USP31: variants seen among roughly 807,000 people sequenced by gnomAD.
USP31 encodes ubiquitin carboxyl-terminal hydrolase 31.
Under a neutral mutation model 119.4 loss-of-function variants are expected in USP31, and 44 were observed. The ratio of observed to expected loss-of-function variants is 0.37; its 90% confidence interval spans 0.29 to 0.47. The LOEUF is 0.47. Ranked by LOEUF, USP31 falls within the 20% of genes least tolerant of loss-of-function variation. The pLI is 0.99. For missense variants in USP31, 1,643 were observed against 1,730.2 expected (o/e 0.95, Z 0.89); for synonymous variants, 749 against 705.6 (o/e 1.06, Z -0.97).
intron 7 of USP31, among the ~76,000 whole-genome samples, chr16:23,090,071 A>G (rs1211956812): frequency 6.6e-6 from 1 of 152,170 alleles, no homozygotes; most frequent in Admixed American, 6.5e-5. Context: ...GAAAATACAC[A>G]TATGAAATGG....
At chr16:23,125,406 G>C (rs567081055) in intron 1 of USP31, among the ~76,000 whole-genome samples, 2 of 152,156 alleles carry the variant, frequency 1.3e-5, no homozygotes, top group African/African-American at 4.8e-5. Context: ...CCGGGAAGGG[G>C]TGGGGGCAGC....
intron 1 of USP31, among the ~76,000 whole-genome samples, chr16:23,125,801 G>C (rs1458307447): frequency 6.6e-6 from 1 of 152,176 alleles, no homozygotes; most frequent in African/African-American, 2.4e-5. Context: ...GAGCAACTCT[G>C]GTCAGGGAAT....
At chr16:23,105,611 A>G (rs1226769061) in intron 4 of USP31, 35 bp from the exon 5 acceptor site, 1 of 1,493,884 alleles carries the variant, frequency 6.7e-7, no homozygotes, top group Non-Finnish European at 8.9e-7. Flanking sequence ...CTCATTAGTC[A>G]CTTATTTCAA....
chr16:23,095,503 C>A (rs1294090640), intron 6 of USP31, among the ~76,000 whole-genome samples: 1 of 152,132 alleles, frequency 6.6e-6, no homozygotes, highest in South Asian at 2.1e-4. Flanking sequence ...GAGAACACCA[C>A]AAAGATACTC....
At position 23,106,140 on chromosome 16, in the gene USP31, C is replaced by T. The variant is rs1596715125; in HGVS notation, c.953+73G>A. ...TACCTGTCTAAATAAGTAAGAAGAC[C>T]TAATAGGAGCCTACAGAGGCAAAGG... is the stretch of plus-strand genomic sequence containing the variant. On this transcript the variant is annotated intron_variant, in intron 4 of 15. Coordinates refer to ENST00000219689, the MANE Select transcript of USP31 (RefSeq NM_020718.4). 6.0e-6 allele frequency: 9 copies of T among 1,511,578 alleles called. No individual in the cohort carries two copies. The East Asian group carries it at 1.6e-4, about 27-fold the overall frequency. 93.6% of individuals were successfully genotyped at this position (1,511,578 alleles called of 1,614,324 possible).
Position 23,062,191 on chromosome 16 carries a change from T to G in USP31, c.*5855A>C, listed in dbSNP as rs1411708856. On this transcript the variant is annotated 3_prime_UTR_variant, in exon 16 of 16. Coordinates refer to ENST00000219689, the MANE Select transcript of USP31 (RefSeq NM_020718.4). The stretch of plus-strand genomic sequence containing the variant: ...GTAGGCAGCATGAGGCTCGACAGAA[T>G]GAAACCATCAGATTACTTCGAAGGT... 6.6e-6 allele frequency: 1 copy of G among 152,552 alleles called. No individual in the cohort carries two copies. The highest frequency in any genetic ancestry group is 1.5e-5 in the Non-Finnish European group (1 of 68,048). 9.4% of individuals were successfully genotyped at this position (152,552 alleles called of 1,614,324 possible).
chr16:23,142,401 C>T (rs577445279), intron 1 of USP31, among the ~76,000 whole-genome samples: 7 of 152,190 alleles, frequency 4.6e-5, no homozygotes, highest in Admixed American at 1.3e-4. Context: ...CTTATTTTCA[C>T]TCCAATTCAG....
At position 23,087,805 on chromosome 16, in the gene USP31, C is replaced by G; in HGVS notation, c.1446G>C (p.Glu482Asp). The change falls in exon 8 of 16, where the codon GAG becomes GAC. Residue 482 changes from glutamate to aspartate, a missense_variant. Coordinates refer to ENST00000219689, the MANE Select transcript of USP31 (RefSeq NM_020718.4). ...GCAGAAGGTCCCAAGCTATTGTCTT[C>G]TCTAAGTGCAGCACAAAAGGCAGTC... ...RFGLPFVLHLEKTIAWDLLQK... is the reference protein window; with the variant it reads ...RFGLPFVLHLDKTIAWDLLQK... The G allele has an allele frequency of 5.0e-6, 8 of 1,613,966 alleles. 1 individual carries two copies. Among genetic ancestry groups the G allele is most frequent in the Non-Finnish European group, 6.8e-6 (8 of 1,180,026 alleles).
chr16:23,145,808 C>T (rs1903487525), intron 1 of USP31, among the ~76,000 whole-genome samples: 1 of 152,200 alleles, frequency 6.6e-6, no homozygotes, highest in African/African-American at 2.4e-5. Context: ...GTTTTCATTG[C>T]TTAAGGCACT....
chr16:23,104,302 A>C (rs961812104), intron 5 of USP31, among the ~76,000 whole-genome samples: 2 of 152,236 alleles, frequency 1.3e-5, no homozygotes, highest in Non-Finnish European at 2.9e-5. Flanking sequence ...TCTGCCGGTG[A>C]ACAAGCAAGT....
intron 1 of USP31, among the ~76,000 whole-genome samples, chr16:23,146,529 A>G (rs1381484662): frequency 6.6e-6 from 1 of 152,136 alleles, no homozygotes; most frequent in East Asian, 1.9e-4. Context: ...CTCCATCTCA[A>G]AAATAATAAT....
chr16:23,135,424 A>C (rs1328205420), intron 1 of USP31, among the ~76,000 whole-genome samples: 1 of 152,212 alleles, frequency 6.6e-6, no homozygotes. Flanking sequence ...AAATGACATG[A>C]TCTTGTATGT....
chr16:23,127,587 C>CA (rs1902901314), intron 1 of USP31, among the ~76,000 whole-genome samples: 1 of 151,626 alleles, frequency 6.6e-6, no homozygotes, highest in Non-Finnish European at 1.5e-5. Context: ...CTCAGCCTCC[C>CA]AAGTAGCTGG....
At chr16:23,078,169 G>C (rs1164601094) in intron 13 of USP31, among the ~76,000 whole-genome samples, 2 of 152,018 alleles carry the variant, frequency 1.3e-5, no homozygotes, top group East Asian at 3.9e-4. Flanking sequence ...AAAATTAGCT[G>C]GGTGTGGTGG....
chr16:23,128,677 T>C (rs1345683736), intron 1 of USP31, among the ~76,000 whole-genome samples: 1 of 152,196 alleles, frequency 6.6e-6, no homozygotes, highest in African/African-American at 2.4e-5. Flanking sequence ...CTTTCAACCC[T>C]TAATAAATTA....
At chr16:23,080,762 T>C (rs183761999) in intron 12 of USP31, among the ~76,000 whole-genome samples, 12 of 152,346 alleles carry the variant, frequency 7.9e-5, no homozygotes, top group Middle Eastern at 3.4e-3. Context: ...TTCCTGTGTC[T>C]ATGGGAACTT....
intron 1 of USP31, among the ~76,000 whole-genome samples, chr16:23,114,060 G>A (rs551248570): frequency 6.6e-6 from 1 of 151,666 alleles, no homozygotes; most frequent in Non-Finnish European, 1.5e-5. Flanking sequence ...AGCCAAGATC[G>A]CATCACTGCA....
At chr16:23,129,431 C>T (rs1280889401) in intron 1 of USP31, among the ~76,000 whole-genome samples, 2 of 152,060 alleles carry the variant, frequency 1.3e-5, no homozygotes, top group Non-Finnish European at 2.9e-5. Flanking sequence ...CTTAGGCAGA[C>T]AATGGCATTA....
chr16:23,108,094 A>G lies in USP31; in HGVS notation c.723T>C (p.His241=), dbSNP rs773022387. Residue 241 remains histidine (H), a synonymous_variant, in exon 2 of 16, where the codon CAT becomes CAC. Coordinates refer to ENST00000219689, the MANE Select transcript of USP31 (RefSeq NM_020718.4). ...GCTTCACTGAATGGTTGAGGTCTTC[A>G]TGAACTCGGTCCAAAAGCCACAGCA... is the stretch of plus-strand genomic sequence containing the variant. The part of the protein sequence containing the change: ...EFLLWLLDRV[H]EDLNHSVKQS... 26 of 1,614,030 alleles carry G rather than the reference A, an allele frequency of 1.6e-5. No homozygotes were observed. Among genetic ancestry groups the G allele is most frequent in the South Asian group, 1.3e-4 (12 of 91,072 alleles).
Sources: allele counts gnomAD v4.1 joint callset (sites outside exome capture counted in the v4.1 genomes callset), GRCh38; gene constraint gnomAD v4.1.1; transcripts MANE v1.5; gene names NCBI Gene and HGNC (gene_info 2026-07-23, HGNC 2026-07-21).